The following FLRT1 variants were observed in gnomAD, a reference collection of about 807,000 sequenced individuals.
The protein encoded by FLRT1 is fibronectin leucine rich transmembrane protein 1, also known as leucine-rich repeat transmembrane protein FLRT1.
A neutral mutation model predicts 30.9 loss-of-function variants in FLRT1; 14 were observed. The observed-to-expected ratio is 0.45, with a 90% CI of 0.30 to 0.71. The LOEUF (loss-of-function observed/expected upper bound fraction) is 0.71, where lower values mean the gene tolerates loss of function less well. FLRT1 is among the 30% of genes least tolerant of loss of function. The pLI is 0.08. For missense variants in FLRT1, 737 were observed against 949.2 expected, an observed-to-expected ratio of 0.78 and a Z score of 2.94; for synonymous variants, 368 against 430.4, an observed-to-expected ratio of 0.85 and a Z score of 1.80.
intron 1 of FLRT1, among the ~76,000 whole-genome samples, chr11:64,041,984 T>A (rs558808498): frequency 6.6e-6 from 1 of 151,972 alleles, no homozygotes; most frequent in East Asian, 1.9e-4. Flanking sequence ...GGACTTGGGT[T>A]CAGTGGGGGG....
intron 1 of FLRT1, among the ~76,000 whole-genome samples, chr11:64,093,211 G>C (rs1019945398): frequency 6.6e-6 from 1 of 152,216 alleles, no homozygotes; most frequent in Non-Finnish European, 1.5e-5. Context: ...ACACAACACA[G>C]GGCGGCCACT....
chr11:64,091,818 C>A (rs901857563), intron 1 of FLRT1, among the ~76,000 whole-genome samples: 1 of 152,190 alleles, frequency 6.6e-6, no homozygotes, highest in East Asian at 1.9e-4. Context: ...ACCCCAGTCC[C>A]CCAGGAGGCT....
intron 1 of FLRT1, among the ~76,000 whole-genome samples, chr11:64,091,228 G>A (rs1944484753): frequency 6.6e-6 from 1 of 152,072 alleles, no homozygotes; most frequent in Admixed American, 6.5e-5. Flanking sequence ...TCCGCTGCAG[G>A]GTCTGCAGCC....
chr11:64,103,419 A>G lies in FLRT1; in HGVS notation c.-812A>G, dbSNP rs1282608149. 2 of 152,074 alleles carry G rather than the reference A, an allele frequency of 1.3e-5. No individual in the cohort carries two copies. Among genetic ancestry groups the G allele is most frequent in the East Asian group, 3.9e-4 (2 of 5,176 alleles). 9.4% of individuals were successfully genotyped at this position (152,074 alleles called of 1,614,324 possible). A position where few individuals can be genotyped will look rare whatever the true frequency, so the allele number is the denominator to read the frequency against. On this transcript the variant is annotated 5_prime_UTR_variant, in exon 2 of 3. It removes an upstream start codon present in the reference 5' UTR. Transcript: ENST00000682287. ...ATGTGTCAGCAGCTCCAGCCCCACC[A>G]TGAACATCTGAACTCCTCAGCGGGG...
At chr11:64,068,283 AC>A (rs1371110837) in intron 1 of FLRT1, among the ~76,000 whole-genome samples, 2 of 151,898 alleles carry the variant, frequency 1.3e-5, no homozygotes, top group African/African-American at 2.4e-5. Flanking sequence ...TGGCAAGGCC[AC>A]CCCAACCCCA....
At chr11:64,041,872 A>T (rs320133) in intron 1 of FLRT1, among the ~76,000 whole-genome samples, 3 of 152,116 alleles carry the variant, frequency 2.0e-5, no homozygotes, top group Non-Finnish European at 2.9e-5. Context: ...GTTTCACCTC[A>T]AGGCTGAGGG....
intron 2 of FLRT1, among the ~76,000 whole-genome samples, chr11:64,113,574 A>G (rs1447196468): frequency 7.0e-6 from 1 of 143,286 alleles, no homozygotes; most frequent in African/African-American, 2.6e-5. Flanking sequence ...AGGTGGATGC[A>G]TGGATAGCAT....
intron 1 of FLRT1, among the ~76,000 whole-genome samples, chr11:64,074,374 G>A (rs1193010250): frequency 6.6e-6 from 1 of 152,178 alleles, no homozygotes; most frequent in African/African-American, 2.4e-5. Context: ...TCTCACCTCT[G>A]CAGTTTCTAA....
In FLRT1 at chr11:64,118,149, C is replaced by T. The variant is rs369537394; in HGVS notation, c.1882C>T (p.Arg628Cys). 88 of 1,613,848 alleles carry T rather than the reference C, an allele frequency of 5.5e-5. 3 individuals carry two copies. Among genetic ancestry groups the T allele is most frequent in the Middle Eastern group, 5.0e-4 (3 of 6,058 alleles). ...GCAGATGCTGCCCATCAACCCGTAC[C>T]GCGCCAAAGAAGAGTACGTGGTCCA... ...GLQMLPINPY[R>C]AKEEYVVHTI... Residue 628 changes from arginine (R) to cysteine (C), a missense_variant, in exon 3 of 3, where the codon CGC (arginine) becomes TGC (cysteine). Coordinates refer to ENST00000682287, the MANE Select transcript of FLRT1 (RefSeq NM_013280.5).
At chr11:64,079,109 A>G (rs79565128) in intron 1 of FLRT1, among the ~76,000 whole-genome samples, 2,209 of 117,880 alleles carry the variant, frequency 0.019, 46 homozygotes, top group African/African-American at 0.065. Context: ...GAGATGGTGC[A>G]GTGGGGGGCG....
intron 2 of FLRT1, among the ~76,000 whole-genome samples, chr11:64,111,180 G>A (rs888717294): frequency 1.3e-5 from 2 of 152,248 alleles, no homozygotes; most frequent in Non-Finnish European, 2.9e-5. Context: ...CAGGGAATGC[G>A]GTGGCTTGCC....
rs1565240655 is a variant in FLRT1, at chr11:64,116,320, TCACGGCCACCGTTGTGATGAC to T, written c.64_84del (p.Val22_Thr28del). ...GCCACCACCACGCCCACTGCCACTG[TCACGGCCACCGTTGTGATGAC>T]CACGGCCACCATGGACCTGCGGGAC... On this transcript the variant is annotated inframe_deletion, in exon 3 of 3. Transcript: ENST00000682287. 1 of 1,609,572 alleles carries T rather than the reference TCACGGCCACCGTTGTGATGAC, an allele frequency of 6.2e-7. No homozygotes were observed. The highest frequency in any genetic ancestry group is 8.5e-7 in the Non-Finnish European group (1 of 1,178,860).
At chr11:64,046,703 T>C (rs1010600948) in intron 1 of FLRT1, among the ~76,000 whole-genome samples, 7 of 152,200 alleles carry the variant, frequency 4.6e-5, no homozygotes, top group Non-Finnish European at 8.8e-5. Context: ...TTCACCATGT[T>C]GGTCAGGCTG....
At chr11:64,092,585 C>G (rs71454590) in intron 1 of FLRT1, among the ~76,000 whole-genome samples, 1 of 152,256 alleles carries the variant, frequency 6.6e-6, no homozygotes, top group African/African-American at 2.4e-5. Context: ...CCCGGCTCCT[C>G]TGCCCCGTCC....
At chr11:64,042,853 G>C (rs917322795) in intron 1 of FLRT1, among the ~76,000 whole-genome samples, 2 of 152,206 alleles carry the variant, frequency 1.3e-5, no homozygotes, top group Non-Finnish European at 2.9e-5. Flanking sequence ...GGGCTGGGTA[G>C]TGCCACACCC....
chr11:64,069,005 A>G (rs530628010), intron 1 of FLRT1, among the ~76,000 whole-genome samples: 1 of 152,306 alleles, frequency 6.6e-6, no homozygotes, highest in South Asian at 2.1e-4. Context: ...GCCACTCACT[A>G]ATCAGCTTGG....
At chr11:64,063,643 G>A (rs1054318794) in intron 1 of FLRT1, among the ~76,000 whole-genome samples, 1 of 152,214 alleles carries the variant, frequency 6.6e-6, no homozygotes, top group African/African-American at 2.4e-5. Context: ...AGTGGGGTTT[G>A]TGTGACGTGG....
At chr11:64,069,312 G>A (rs748697538) in intron 1 of FLRT1, among the ~76,000 whole-genome samples, 2 of 152,202 alleles carry the variant, frequency 1.3e-5, no homozygotes, top group Non-Finnish European at 1.5e-5. Context: ...GATGAGGCAC[G>A]GCTGTCAGCC....
rs763041801 is a variant in FLRT1, at chr11:64,117,159, C to A, written c.892C>A (p.Arg298=). Residue 298 remains arginine (R), a synonymous_variant, in exon 3 of 3, where the codon CGG becomes AGG. Transcript: ENST00000682287. ...GCTGGCCAAGATGCGTGAGCTGGAGCGGCTGGACCTGTCCAACAACAACCT... is the reference window on the plus strand; with the variant it reads ...GCTGGCCAAGATGCGTGAGCTGGAGAGGCTGGACCTGTCCAACAACAACCT... ...NTLAKMRELE[R]LDLSNNNLTT... is the part of the protein sequence containing the mutation. The A allele has an allele frequency of 6.2e-7, 1 of 1,613,746 alleles. No individual in the cohort carries two copies.
Sources: gnomAD v4.1 joint callset for allele counts (sites outside exome capture counted in the v4.1 genomes callset) on GRCh38, gnomAD v4.1.1 for gene constraint, MANE v1.5 for transcripts, NCBI Gene and HGNC (gene_info 2026-07-23, HGNC 2026-07-21) for gene names.